The following CFAP206 variants were observed in gnomAD, a reference collection of about 807,000 sequenced individuals.
CFAP206 encodes cilia and flagella associated protein 206, also known as cilia- and flagella-associated protein 206.
Under a neutral mutation model 65.4 loss-of-function variants are expected in CFAP206, and 53 were observed. That is an observed-to-expected ratio of 0.81 (90% confidence interval 0.65 to 1.02). The LOEUF (loss-of-function observed/expected upper bound fraction) is 1.02, where lower values mean the gene tolerates loss of function less well. CFAP206 is among the 50% of genes least tolerant of loss of function. The pLI, the probability that CFAP206 is intolerant of heterozygous loss-of-function variation, is 0.00. For synonymous variants in CFAP206, 250 were observed against 254.4 expected, an observed-to-expected ratio of 0.98 and a Z score of 0.17; for missense variants, 663 against 753.2, an observed-to-expected ratio of 0.88 and a Z score of 1.40.
intron 7 of CFAP206, among the ~76,000 whole-genome samples, chr6:87,425,566 T>C (rs1233175055): frequency 6.6e-6 from 1 of 152,210 alleles, no homozygotes; most frequent in Non-Finnish European, 1.5e-5. Context: ...TGTGTGATCA[T>C]TGAAACCCAA....
Position 87,418,430 on chromosome 6 carries a change from A to T in CFAP206, c.840+14A>T. On this transcript the variant is annotated intron_variant, in intron 7 of 12. Transcript: ENST00000369562. Reference sequence around the variant, plus strand: ...CAGATCATTTTGGTGAGTTAAGTTCATAAGACCTGACCTTTTCTATATAAT... The same window carrying T: ...CAGATCATTTTGGTGAGTTAAGTTCTTAAGACCTGACCTTTTCTATATAAT... 6.2e-7 allele frequency: 1 copy of T among 1,606,000 alleles called. No individual in the cohort carries two copies.
chr6:87,424,828 G>A (rs1008503397), intron 7 of CFAP206, among the ~76,000 whole-genome samples: 6 of 152,152 alleles, frequency 3.9e-5, no homozygotes, highest in Non-Finnish European at 2.9e-5. Flanking sequence ...GTAACATTCA[G>A]TGATCTATTT....
chr6:87,432,559 T>C (rs939846689), intron 10 of CFAP206, among the ~76,000 whole-genome samples: 26 of 149,366 alleles, frequency 1.7e-4, no homozygotes, highest in Admixed American at 7.4e-4. Context: ...GAGGAAGCAA[T>C]GATATGGTTG....
At chr6:87,435,927 A>C (rs1243271465) in intron 11 of CFAP206, 1 of 151,986 alleles carries the variant, frequency 6.6e-6, no homozygotes, top group African/African-American at 2.4e-5. Flanking sequence ...TGGCATCCCA[A>C]AGTGTTGGGA....
At chr6:87,448,940 A>G (rs1768493732) in intron 11 of CFAP206, among the ~76,000 whole-genome samples, 1 of 152,076 alleles carries the variant, frequency 6.6e-6, no homozygotes, top group Admixed American at 6.6e-5. Context: ...TATCTTGACT[A>G]TTGTGAGTAG....
chr6:87,454,916 T>A (rs926281130), intron 11 of CFAP206, among the ~76,000 whole-genome samples: 2 of 151,504 alleles, frequency 1.3e-5, no homozygotes, highest in Admixed American at 6.6e-5. Context: ...TTTATTATTT[T>A]ATTTTTTTAT....
At chr6:87,419,177 G>C (rs1363690668) in intron 7 of CFAP206, among the ~76,000 whole-genome samples, 4 of 151,514 alleles carry the variant, frequency 2.6e-5, no homozygotes, top group African/African-American at 9.7e-5. Flanking sequence ...TGTTGTCCAG[G>C]CTGGTCTTGA....
At position 87,408,014 on chromosome 6, in the gene CFAP206, A is replaced by G. The variant is rs1211995649; in HGVS notation, c.-81A>G. Reference sequence around the variant, plus strand: ...ACGCGGCGGTGGCTGCGAGCGCCCAACTGCTCCGACCGTCGCGGTGAGGGC... The same window carrying G: ...ACGCGGCGGTGGCTGCGAGCGCCCAGCTGCTCCGACCGTCGCGGTGAGGGC... On this transcript the variant is annotated 5_prime_UTR_variant, in exon 1 of 13. Coordinates refer to ENST00000369562, the MANE Select transcript of CFAP206 (RefSeq NM_001031743.3). 3 of 985,420 alleles carry G rather than the reference A, an allele frequency of 3.0e-6. No individual in the cohort carries two copies. The highest frequency in any genetic ancestry group is 3.6e-6 in the Non-Finnish European group (3 of 830,110). 61.0% of individuals were successfully genotyped at this position (985,420 alleles called of 1,614,324 possible).
intron 11 of CFAP206, among the ~76,000 whole-genome samples, chr6:87,454,018 C>T (rs563780900): frequency 1.3e-5 from 2 of 152,062 alleles, no homozygotes; most frequent in Admixed American, 1.3e-4. Flanking sequence ...TAAAGACAAA[C>T]ATAGACTGAA....
chr6:87,431,709 C>T (rs914810987), intron 10 of CFAP206, among the ~76,000 whole-genome samples: 10 of 152,068 alleles, frequency 6.6e-5, no homozygotes, highest in African/African-American at 1.7e-4. Flanking sequence ...GAGATTGCAG[C>T]GAGCTGAGAT....
intron 11 of CFAP206, among the ~76,000 whole-genome samples, chr6:87,452,996 C>A (rs1464596866): frequency 1.3e-5 from 2 of 151,880 alleles, no homozygotes. Flanking sequence ...AAACGTCAAG[C>A]AGATTTAACC....
At chr6:87,440,516 A>C (rs1768345436) in intron 11 of CFAP206, among the ~76,000 whole-genome samples, 1 of 152,150 alleles carries the variant, frequency 6.6e-6, no homozygotes, top group Non-Finnish European at 1.5e-5. Flanking sequence ...GAGCGAGGGC[A>C]TCATGGTGAA....
In CFAP206 at chr6:87,418,096, T is replaced by C. The variant is rs575786020; in HGVS notation, c.632-112T>C. ...ACATGCCTCATTATTACTAATTTGATTGGGGAGAAAAACCCTAACTTAATG... is the reference window on the plus strand; with the variant it reads ...ACATGCCTCATTATTACTAATTTGACTGGGGAGAAAAACCCTAACTTAATG... On this transcript the variant is annotated intron_variant, in intron 6 of 12. Coordinates refer to ENST00000369562, the MANE Select transcript of CFAP206 (RefSeq NM_001031743.3). 244 of 914,046 alleles carry C rather than the reference T, an allele frequency of 2.7e-4. 2 individuals are homozygous for C. The South Asian group carries it at 2.8e-3, about 11-fold the overall frequency. 56.6% of individuals were successfully genotyped at this position (914,046 alleles called of 1,614,324 possible).
rs1237284970 is a variant in CFAP206 at position 87,426,576 on chromosome 6, A to C, written c.891A>C (p.Leu297Phe). 1 of 1,602,934 alleles carries C rather than the reference A, an allele frequency of 6.2e-7. No homozygotes were observed. Among genetic ancestry groups the C allele is most frequent in the Non-Finnish European group, 8.5e-7 (1 of 1,173,978 alleles). Reference protein sequence around the residue: ...AQEVEMMTKQLGAHLEQLKMT... With the variant: ...AQEVEMMTKQFGAHLEQLKMT... Reference sequence around the variant, plus strand: ...AAGTGGAAATGATGACAAAACAGTTAGGAGCCCATCTGGAACAACTAAAAA... The same window carrying C: ...AAGTGGAAATGATGACAAAACAGTTCGGAGCCCATCTGGAACAACTAAAAA... Residue 297 changes from leucine to phenylalanine, a missense_variant, in exon 8 of 13, where the codon TTA becomes TTC. Leu to Phe is a conservative substitution (Grantham distance 22, BLOSUM62 0). Transcript: ENST00000369562.
intron 4 of CFAP206, among the ~76,000 whole-genome samples, chr6:87,414,861 TAGTC>T (rs1308538774): frequency 6.6e-6 from 1 of 152,218 alleles, no homozygotes; most frequent in African/African-American, 2.4e-5. Flanking sequence ...AAGCAAGAAA[TAGTC>T]ATATAATTGA....
chr6:87,418,435 A>T lies in CFAP206; in HGVS notation c.840+19A>T. Reference sequence around the variant, plus strand: ...CATTTTGGTGAGTTAAGTTCATAAGACCTGACCTTTTCTATATAATGCAAT... The same window carrying T: ...CATTTTGGTGAGTTAAGTTCATAAGTCCTGACCTTTTCTATATAATGCAAT... On this transcript the variant is annotated intron_variant, in intron 7 of 12. Transcript: ENST00000369562. The T allele has an allele frequency of 6.2e-7, 1 of 1,601,960 alleles. No homozygotes were observed. The highest frequency in any genetic ancestry group is 1.1e-5 in the South Asian group (1 of 90,808).
chr6:87,434,502 C>CTT lies in CFAP206; in HGVS notation c.1301-344_1301-343dup, dbSNP rs377378986. Among the ~76,000 whole-genome samples the CTT allele has an allele frequency of 4.0e-4, 54 of 134,474 alleles. 1 individual carries two copies. The highest frequency in any genetic ancestry group is 1.5e-3 in the East Asian group (7 of 4,668). The allele number at this position is 134,474 out of a possible 152,430, so 88.2% of individuals were successfully genotyped here. Reference sequence around the variant, plus strand: ...AGTAACAATATTTCTTTTTCTTTTTCTTTTTTTTTTTTTTTGAGACAGTCT... The same window carrying CTT: ...AGTAACAATATTTCTTTTTCTTTTTCTTTTTTTTTTTTTTTTTGAGACAGTCT... On this transcript the variant is annotated intron_variant, in intron 10 of 12. Coordinates refer to ENST00000369562, the MANE Select transcript of CFAP206 (RefSeq NM_001031743.3).
At chr6:87,445,021 G>T (rs948781270) in intron 11 of CFAP206, 1 of 519,880 alleles carries the variant, frequency 1.9e-6, no homozygotes, top group Non-Finnish European at 3.8e-6. Context: ...TCTTTGGCAT[G>T]TAGAATGGTC....
chr6:87,421,701 A>G (rs537095504), intron 7 of CFAP206, among the ~76,000 whole-genome samples: 3 of 152,306 alleles, frequency 2.0e-5, no homozygotes, highest in Non-Finnish European at 2.9e-5. Flanking sequence ...GGAAAGCTGC[A>G]TGTTATTGTG....
Sources: allele counts gnomAD v4.1 joint callset (sites outside exome capture counted in the v4.1 genomes callset), GRCh38; gene constraint gnomAD v4.1.1; transcripts MANE v1.5; gene names NCBI Gene and HGNC (gene_info 2026-07-23, HGNC 2026-07-21).